AHI1: variants seen among roughly 807,000 people sequenced by gnomAD.
AHI1 encodes the protein Abelson helper integration site 1, also known as jouberin.
In AHI1, 123 loss-of-function variants were observed where a neutral mutation model predicts 149.3. That is an observed-to-expected ratio of 0.82 (90% CI 0.71 to 0.96). The LOEUF is 0.96. AHI1 is among the 40% of genes least tolerant of loss of function. AHI1 has a pLI of 0.00. For missense variants in AHI1, 1,439 were observed against 1,422.7 expected (o/e 1.01, Z -0.18); for synonymous variants, 475 against 459.8 (o/e 1.03, Z -0.42).
intron 22 of AHI1, 89 bp downstream of exon 22, chr6:135,404,862 G>T: frequency 8.5e-7 from 1 of 1,180,548 alleles, no homozygotes; most frequent in Non-Finnish European, 1.3e-6. Flanking sequence ...CTCTTATAAA[G>T]GTTCCAAACT....
chr6:135,334,545 T>C (rs1215486446), intron 24 of AHI1, among the ~76,000 whole-genome samples: 1 of 152,232 alleles, frequency 6.6e-6, no homozygotes. Flanking sequence ...TTGGTATGAA[T>C]TAAACCTTTT....
chr6:135,429,969 G>A lies in AHI1; in HGVS notation c.2405C>T (p.Pro802Leu). ...EIKETEFKGI[P>L]ISYLEIHPNG... ...GGGATGAATCTCCAAATAACTTATT[G>A]GAATTCCCTTAAACTCAGTTTCTTT... The change falls in exon 18 of 29, where the codon CCA (proline) becomes CTA (leucine). Residue 802 changes from proline to leucine, a missense_variant. Coordinates refer to ENST00000265602, the MANE Select transcript of AHI1 (RefSeq NM_001134831.2). The A allele has an allele frequency of 6.3e-7, 1 of 1,578,486 alleles. No individual in the cohort carries two copies. The highest frequency in any genetic ancestry group is 1.8e-5 in the Admixed American group (1 of 56,948).
At chr6:135,321,451 G>A (rs765231362) in intron 25 of AHI1, among the ~76,000 whole-genome samples, 18 of 152,206 alleles carry the variant, frequency 1.2e-4, no homozygotes, top group Non-Finnish European at 2.4e-4. Context: ...GAAGGGAGCT[G>A]CAATGGGACT....
chr6:135,299,924 A>C (rs187746750), intron 27 of AHI1, among the ~76,000 whole-genome samples: 52 of 152,336 alleles, frequency 3.4e-4, no homozygotes, highest in Non-Finnish European at 5.3e-4. Context: ...TCAAATAAAA[A>C]TAAATGACAA....
chr6:135,455,367 T>C (rs562810217), intron 10 of AHI1, among the ~76,000 whole-genome samples: 2 of 152,188 alleles, frequency 1.3e-5, no homozygotes, highest in African/African-American at 4.8e-5. Context: ...GTGGTACACA[T>C]ATTCTTAGGG....
rs1427415878 is a variant in AHI1, at chr6:135,455,832, T to C, written c.1246A>G (p.Arg416Gly). Residue 416 changes from arginine to glycine, a missense_variant, in exon 10 of 29, where the codon AGA becomes GGA. By Grantham distance (125) the Arg-to-Gly change is moderately radical. Coordinates refer to ENST00000265602, the MANE Select transcript of AHI1 (RefSeq NM_001134831.2). ...QPYDFKQLKS[R>G]LPEWEEQIVF... is the part of the protein sequence containing the mutation. ...ATTTGTTCTTCCCACTCTGGAAGTCTTGATTTTAACTGTTTAAAATCATAT... is the reference window on the plus strand; with the variant it reads ...ATTTGTTCTTCCCACTCTGGAAGTCCTGATTTTAACTGTTTAAAATCATAT... 6.2e-7 allele frequency: 1 copy of C among 1,600,848 alleles called. No homozygotes were observed. Among genetic ancestry groups the C allele is most frequent in the East Asian group, 2.2e-5 (1 of 44,650 alleles).
At chr6:135,380,003 CT>C (rs1465731786) in intron 23 of AHI1, among the ~76,000 whole-genome samples, 2 of 119,686 alleles carry the variant, frequency 1.7e-5, no homozygotes, top group African/African-American at 3.2e-5. Context: ...TCCCCTTCCC[CT>C]CTTCCTCCCT....
chr6:135,466,115 C>T lies in AHI1; in HGVS notation c.448G>A (p.Val150Ile), dbSNP rs1418948476. 4 of 1,613,896 alleles carry T rather than the reference C, an allele frequency of 2.5e-6. No homozygotes were observed. The highest frequency in any genetic ancestry group is 3.4e-6 in the Non-Finnish European group (4 of 1,179,862). Residue 150 changes from valine to isoleucine, a missense_variant, in exon 7 of 29, where the codon GTT becomes ATT. Physicochemically the swap from Val to Ile is conservative, Grantham distance 29 (BLOSUM62 3). Transcript: ENST00000265602. ...DLKPETPENKVDSTHQKTHTK... is the reference protein window; with the variant it reads ...DLKPETPENKIDSTHQKTHTK... ...TGTGTTTTCTGGTGTGTAGAATCAA[C>T]CTTATTCTCAGGAGTTTCCGGTTTC...
chr6:135,451,731 T>C (rs1212284604), intron 11 of AHI1, among the ~76,000 whole-genome samples: 2 of 152,184 alleles, frequency 1.3e-5, no homozygotes, highest in Non-Finnish European at 2.9e-5. Context: ...GCTTCCTAAG[T>C]GCAACTTACA....
intron 23 of AHI1, among the ~76,000 whole-genome samples, chr6:135,371,635 A>G (rs1050421979): frequency 5.3e-5 from 8 of 152,162 alleles, no homozygotes; most frequent in African/African-American, 1.9e-4. Context: ...AATCTTTTCA[A>G]CTAATCTTCT....
At position 135,472,892 on chromosome 6, in the gene AHI1, G is replaced by C. The variant is rs116743595; in HGVS notation, c.136-5258C>G. ...CTTAAAATATTCTAGATACAACATTGTATCAGATAGTGCTTTAAAAATATT... is the reference window on the plus strand; with the variant it reads ...CTTAAAATATTCTAGATACAACATTCTATCAGATAGTGCTTTAAAAATATT... On this transcript the variant is annotated intron_variant, in intron 5 of 28. Coordinates refer to ENST00000265602, the MANE Select transcript of AHI1 (RefSeq NM_001134831.2). Among the ~76,000 whole-genome samples the C allele has an allele frequency of 2.6e-3, 398 of 152,212 alleles. 2 individuals carry two copies. Among genetic ancestry groups the C allele is most frequent in the African/African-American group, 9.1e-3 (379 of 41,552 alleles).
intron 5 of AHI1, among the ~76,000 whole-genome samples, chr6:135,485,373 C>T (rs749925435): frequency 1.3e-5 from 2 of 152,072 alleles, no homozygotes; most frequent in Non-Finnish European, 2.9e-5. Flanking sequence ...CTGTGCCTGG[C>T]CTTTTGTTTT....
At chr6:135,290,313 CA>C (rs1224621592) in intron 28 of AHI1, 109 bp downstream of exon 28, 1 of 745,572 alleles carries the variant, frequency 1.3e-6, no homozygotes, top group African/African-American at 1.7e-5. Flanking sequence ...TGGGACTTGT[CA>C]GTCCTTATTT....
At chr6:135,414,518 AC>A (rs944825973) in intron 20 of AHI1, among the ~76,000 whole-genome samples, 2 of 152,202 alleles carry the variant, frequency 1.3e-5, no homozygotes, top group Admixed American at 1.3e-4. Flanking sequence ...GGGGGGAAAT[AC>A]CTGCAAATCA....
intron 22 of AHI1, among the ~76,000 whole-genome samples, chr6:135,398,083 A>G (rs1440859837): frequency 1.5e-5 from 2 of 131,844 alleles, no homozygotes; most frequent in Non-Finnish European, 3.1e-5. Flanking sequence ...TTTTTTTTGC[A>G]AATCATGTAT....
chr6:135,334,541 T>G (rs1789080731), intron 24 of AHI1, among the ~76,000 whole-genome samples: 1 of 152,226 alleles, frequency 6.6e-6, no homozygotes, highest in Admixed American at 6.5e-5. Flanking sequence ...ACAATTGGTA[T>G]GAATTAAACC....
intron 23 of AHI1, among the ~76,000 whole-genome samples, chr6:135,382,134 G>A (rs1776850221): frequency 6.6e-6 from 1 of 152,036 alleles, no homozygotes; most frequent in South Asian, 2.1e-4. Flanking sequence ...TAAGAACAAT[G>A]TTCCACTTTT....
chr6:135,436,087 A>C (rs904361491), intron 15 of AHI1, among the ~76,000 whole-genome samples: 4 of 152,192 alleles, frequency 2.6e-5, no homozygotes, highest in African/African-American at 9.7e-5. Context: ...TAGGAAGTCA[A>C]ATTCATAAAA....
chr6:135,388,053 C>A, intron 23 of AHI1: 1 of 1,612,858 alleles, frequency 6.2e-7, no homozygotes, highest in South Asian at 1.1e-5. Flanking sequence ...AAATTCTTGT[C>A]GTTAAAAACT....
Sources: gnomAD v4.1 joint callset for allele counts (sites outside exome capture counted in the v4.1 genomes callset) on GRCh38, gnomAD v4.1.1 for gene constraint, MANE v1.5 for transcripts, NCBI Gene and HGNC (gene_info 2026-07-23, HGNC 2026-07-21) for gene names.